NELL2: variants seen among roughly 807,000 people sequenced by gnomAD.
NELL2 encodes protein kinase C-binding protein NELL2.
NELL2 carries 41 observed loss-of-function variants against 109.6 expected under a neutral mutation model. The observed-to-expected ratio is 0.37, with a 90% CI of 0.29 to 0.49. The LOEUF is 0.49. Among genes scored for constraint, NELL2 ranks in the 20% least tolerant of loss-of-function variants. NELL2 has a pLI of 0.98. For missense variants in NELL2, 900 were observed against 1,008.3 expected, an observed-to-expected ratio of 0.89 and a Z score of 1.45; for synonymous variants, 355 against 344.7, an observed-to-expected ratio of 1.03 and a Z score of -0.33.
intron 3 of NELL2, among the ~76,000 whole-genome samples, chr12:44,802,403 G>A (rs114182560): frequency 0.014 from 2,197 of 152,126 alleles, 51 homozygotes; most frequent in African/African-American, 0.05. Context: ...ATATCAGGAT[G>A]AATGTAAATG....
At chr12:44,814,594 C>T (rs2136681550) in intron 3 of NELL2, among the ~76,000 whole-genome samples, 1 of 152,274 alleles carries the variant, frequency 6.6e-6, no homozygotes, top group Admixed American at 6.5e-5. Flanking sequence ...TTCCCAGTTA[C>T]CAGGTGAGTG....
upstream of NELL2, among the ~76,000 whole-genome samples, chr12:44,915,736 C>T (rs1264614970): frequency 6.6e-6 from 1 of 152,132 alleles, no homozygotes; most frequent in Non-Finnish European, 1.5e-5. Context: ...CATTAGAATG[C>T]AGAACAGTGC....
chr12:44,822,853 T>C (rs1288345898), intron 2 of NELL2, among the ~76,000 whole-genome samples: 1 of 152,080 alleles, frequency 6.6e-6, no homozygotes, highest in Admixed American at 6.6e-5. Flanking sequence ...GAGTGATGAG[T>C]TCATATGTGG....
chr12:44,526,782 C>T (rs7980297), intron 16 of NELL2, among the ~76,000 whole-genome samples: 98,957 of 152,164 alleles, frequency 0.65, 34,797 homozygotes, highest in African/African-American at 0.91. Context: ...AGTGTTCAGT[C>T]TAGGACTGGC....
chr12:44,811,337 T>TAAAAAAAAAA (rs10683929), intron 3 of NELL2, among the ~76,000 whole-genome samples: 214 of 103,062 alleles, frequency 2.1e-3, no homozygotes, highest in East Asian at 4.0e-3. Context: ...GAACTAAAAG[T>TAAAAAAAAAA]AAAAAAAAAA....
At chr12:44,620,906 T>C (rs935630227) in intron 13 of NELL2, among the ~76,000 whole-genome samples, 2 of 152,136 alleles carry the variant, frequency 1.3e-5, no homozygotes, top group Non-Finnish European at 2.9e-5. Context: ...TTATAAAATC[T>C]AATCTCCATT....
At chr12:44,679,417 A>G (rs1051506428) in intron 12 of NELL2, among the ~76,000 whole-genome samples, 1 of 152,180 alleles carries the variant, frequency 6.6e-6, no homozygotes, top group Non-Finnish European at 1.5e-5. Context: ...TACCAAGCGG[A>G]GTACAGGACT....
intron 9 of NELL2, among the ~76,000 whole-genome samples, chr12:44,750,254 T>C (rs1229091789): frequency 1.3e-5 from 2 of 152,196 alleles, no homozygotes; most frequent in African/African-American, 4.8e-5. Flanking sequence ...TTATGGACTC[T>C]GCAGCAGATG....
intron 9 of NELL2, among the ~76,000 whole-genome samples, chr12:44,766,775 A>T (rs1941352511): frequency 6.6e-6 from 1 of 152,178 alleles, no homozygotes; most frequent in Non-Finnish European, 1.5e-5. Context: ...GTCCCCTAGA[A>T]CTGTGCTAGA....
At chr12:44,679,341 T>C (rs1314526280) in intron 12 of NELL2, among the ~76,000 whole-genome samples, 3 of 152,120 alleles carry the variant, frequency 2.0e-5, no homozygotes, top group Non-Finnish European at 4.4e-5. Flanking sequence ...CTTCAGAGAA[T>C]GGTGAAGGTT....
intron 16 of NELL2, among the ~76,000 whole-genome samples, chr12:44,531,043 CTT>C (rs1430379549): frequency 6.6e-6 from 1 of 152,198 alleles, no homozygotes; most frequent in Non-Finnish European, 1.5e-5. Flanking sequence ...TAGTTACAAA[CTT>C]AATGTAACAC....
chr12:44,689,544 C>T (rs1297832102), intron 12 of NELL2, among the ~76,000 whole-genome samples: 2 of 152,154 alleles, frequency 1.3e-5, no homozygotes, highest in African/African-American at 2.4e-5. Flanking sequence ...CCTTATGTCC[C>T]CATACATACA....
intron 12 of NELL2, among the ~76,000 whole-genome samples, chr12:44,679,695 C>G (rs372074037): frequency 2.0e-5 from 3 of 152,222 alleles, no homozygotes; most frequent in African/African-American, 7.2e-5. Context: ...TGGTCCCTAT[C>G]TTTGCAGTTT....
intron 2 of NELL2, among the ~76,000 whole-genome samples, chr12:44,819,283 A>C (rs1391615663): frequency 6.6e-6 from 1 of 152,202 alleles, no homozygotes; most frequent in Non-Finnish European, 1.5e-5. Context: ...TGGTTGCTTC[A>C]AGAAAGAAAA....
At chr12:44,669,004 C>T (rs1465408712) in intron 12 of NELL2, among the ~76,000 whole-genome samples, 2 of 152,162 alleles carry the variant, frequency 1.3e-5, no homozygotes, top group Non-Finnish European at 2.9e-5. Context: ...ACTAGCCACA[C>T]CCAGCCCACC....
In NELL2 at chr12:44,611,007, T is replaced by C. The variant is rs536925993; in HGVS notation, c.1445-37A>G. 4.4e-6 allele frequency: 7 copies of C among 1,604,136 alleles called. No homozygotes were observed. The Admixed American group carries it at 5.0e-5, about 12-fold the overall frequency. ...AATACAATTTTGTTACTCAAAGTTA[T>C]ATTTCCAAAGCTATATTTTAAACTA... On this transcript the variant is annotated intron_variant, in intron 13 of 19. Coordinates refer to ENST00000429094, the MANE Select transcript of NELL2 (RefSeq NM_001145108.2).
chr12:44,761,324 C>T lies in NELL2; in HGVS notation c.994+13423G>A, dbSNP rs185668783. ...CGGAGGTTGCGGTGAGCCAAGATTG[C>T]GCCACTGCACTCCAGCCTGGGCAAC... On this transcript the variant is annotated intron_variant, in intron 9 of 19. Transcript: ENST00000429094. 3.2e-3 allele frequency among the ~76,000 whole-genome samples: 488 copies of T among 152,178 alleles called. 11 individuals carry two copies. The highest frequency in any genetic ancestry group is 0.026 in the Admixed American group (390 of 15,266).
intron 11 of NELL2, among the ~76,000 whole-genome samples, chr12:44,710,933 C>A (rs1386264902): frequency 1.3e-5 from 2 of 152,108 alleles, no homozygotes; most frequent in Non-Finnish European, 2.9e-5. Context: ...ACAAAACTCA[C>A]TTGCCAAGAA....
At chr12:44,515,026 A>T (rs546109370) in intron 19 of NELL2, among the ~76,000 whole-genome samples, 2 of 151,768 alleles carry the variant, frequency 1.3e-5, no homozygotes, top group South Asian at 4.1e-4. Context: ...AACAATTTAG[A>T]TAAAATAAAA....
Sources: allele counts gnomAD v4.1 joint callset (sites outside exome capture counted in the v4.1 genomes callset), GRCh38; gene constraint gnomAD v4.1.1; transcripts MANE v1.5; gene names NCBI Gene and HGNC (gene_info 2026-07-23, HGNC 2026-07-21).